The following ST3GAL3 variants were observed in gnomAD, a reference collection of about 807,000 sequenced individuals.
The protein encoded by ST3GAL3 is ST3 beta-galactoside alpha-2,3-sialyltransferase 3.
Under a neutral mutation model 50.1 loss-of-function variants are expected in ST3GAL3, and 21 were observed. The ratio of observed to expected loss-of-function variants is 0.42; its 90% CI spans 0.30 to 0.60. The LOEUF is 0.60. Among genes scored for constraint, ST3GAL3 ranks in the 20% least tolerant of loss-of-function variants. The pLI is 0.19. For missense variants in ST3GAL3, 353 were observed against 489.4 expected, an observed-to-expected ratio of 0.72 and a Z score of 2.63; for synonymous variants, 183 against 190.0, an observed-to-expected ratio of 0.96 and a Z score of 0.30.
intron 4 of ST3GAL3, among the ~76,000 whole-genome samples, chr1:43,831,183 T>G (rs367946423): frequency 6.6e-6 from 1 of 152,230 alleles, no homozygotes; most frequent in Non-Finnish European, 1.5e-5. Context: ...GATTACACTT[T>G]ACATCATAGA....
At chr1:43,710,890 C>G (rs1328268331) in intron 1 of ST3GAL3, among the ~76,000 whole-genome samples, 1 of 152,186 alleles carries the variant, frequency 6.6e-6, no homozygotes, top group African/African-American at 2.4e-5. Flanking sequence ...TGCCTTAAAT[C>G]CTGCTTCTAC....
At chr1:43,850,670 G>T in intron 5 of ST3GAL3, 1 of 725,300 alleles carries the variant, frequency 1.4e-6, no homozygotes. Context: ...GGAGATCCAC[G>T]AGGATCAAAT....
At chr1:43,814,338 A>G (rs1031303059) in intron 3 of ST3GAL3, among the ~76,000 whole-genome samples, 2 of 152,244 alleles carry the variant, frequency 1.3e-5, no homozygotes, top group Non-Finnish European at 2.9e-5. Context: ...ATAAATTACA[A>G]TACTGATTGA....
At chr1:43,804,254 G>A (rs1251331929) in intron 3 of ST3GAL3, among the ~76,000 whole-genome samples, 5 of 152,162 alleles carry the variant, frequency 3.3e-5, no homozygotes, top group East Asian at 1.9e-4. Context: ...AAGGAGATGC[G>A]CTGGGATCTG....
intron 3 of ST3GAL3, among the ~76,000 whole-genome samples, chr1:43,806,023 C>T (rs1416967134): frequency 6.6e-6 from 1 of 152,068 alleles, no homozygotes; most frequent in Non-Finnish European, 1.5e-5. Context: ...CGTGAACCAC[C>T]GTGCCCGGCA....
intron 2 of ST3GAL3, among the ~76,000 whole-genome samples, chr1:43,744,363 C>T (rs1015525104): frequency 2.0e-5 from 3 of 151,928 alleles, no homozygotes; most frequent in East Asian, 1.9e-4. Flanking sequence ...GATTCTCCTA[C>T]CTCAGCCTCC....
At chr1:43,916,423 G>C (rs2081814437) in intron 9 of ST3GAL3, among the ~76,000 whole-genome samples, 1 of 152,196 alleles carries the variant, frequency 6.6e-6, no homozygotes, top group African/African-American at 2.4e-5. Flanking sequence ...CTGGAAAGGT[G>C]TAGGAGAATC....
At chr1:43,776,796 G>A (rs12140180) in intron 2 of ST3GAL3, among the ~76,000 whole-genome samples, 48,166 of 152,038 alleles carry the variant, frequency 0.32, 9,351 homozygotes, top group East Asian at 0.53. Flanking sequence ...CAGTTGGGGC[G>A]CTGAAAGCTA....
At chr1:43,748,911 T>G (rs1474960939) in intron 2 of ST3GAL3, among the ~76,000 whole-genome samples, 2 of 152,192 alleles carry the variant, frequency 1.3e-5, no homozygotes, top group African/African-American at 4.8e-5. Flanking sequence ...AAAATTTATA[T>G]GAAAACACAA....
At chr1:43,709,102 G>A (rs1488347131) in intron 1 of ST3GAL3, among the ~76,000 whole-genome samples, 1 of 152,218 alleles carries the variant, frequency 6.6e-6, no homozygotes, top group African/African-American at 2.4e-5. Flanking sequence ...ATTGGGTCAT[G>A]AAGAGTGGGT....
intron 2 of ST3GAL3, among the ~76,000 whole-genome samples, chr1:43,762,479 A>G (rs1219529582): frequency 6.6e-6 from 1 of 151,974 alleles, no homozygotes; most frequent in Non-Finnish European, 1.5e-5. Context: ...TTCCCCTTTG[A>G]GTTCACTCCA....
At chr1:43,751,862 C>T (rs1300386925) in intron 2 of ST3GAL3, among the ~76,000 whole-genome samples, 1 of 152,068 alleles carries the variant, frequency 6.6e-6, no homozygotes, top group African/African-American at 2.4e-5. Flanking sequence ...TCTCGTCACC[C>T]AGGCTGGAGT....
intron 5 of ST3GAL3, among the ~76,000 whole-genome samples, chr1:43,849,855 GC>G (rs983976077): frequency 2.0e-5 from 3 of 152,230 alleles, no homozygotes; most frequent in African/African-American, 7.2e-5. Context: ...TTGGCATGCT[GC>G]TGGGTAACAA....
chr1:43,815,090 C>A, intron 4 of ST3GAL3, 157 bp downstream of exon 4: 1 of 791,462 alleles, frequency 1.3e-6, no homozygotes, highest in Non-Finnish European at 2.2e-6. Context: ...GGGCATGTTA[C>A]AGTCTGCAGC....
intron 4 of ST3GAL3, among the ~76,000 whole-genome samples, chr1:43,827,444 GA>G: frequency 6.6e-6 from 1 of 152,242 alleles, no homozygotes; most frequent in South Asian, 2.1e-4. Context: ...TCTAATGAAA[GA>G]AATCAAAGAA....
intron 2 of ST3GAL3, among the ~76,000 whole-genome samples, chr1:43,759,246 C>G (rs1689374167): frequency 6.6e-6 from 1 of 151,000 alleles, no homozygotes; most frequent in African/African-American, 2.4e-5. Flanking sequence ...GAGATCGAGA[C>G]CATCCTGGCC....
At chr1:43,846,474 G>A (rs1230889996) in intron 5 of ST3GAL3, among the ~76,000 whole-genome samples, 1 of 152,090 alleles carries the variant, frequency 6.6e-6, no homozygotes. Flanking sequence ...TTATTTGGTT[G>A]GTGCAAAAGT....
chr1:43,726,233 CCT>C (rs1022964806), intron 1 of ST3GAL3, among the ~76,000 whole-genome samples: 93 of 152,132 alleles, frequency 6.1e-4, no homozygotes, highest in Admixed American at 2.6e-3. Context: ...ACTCTGTTCC[CCT>C]CTGTTAATAA....
At chr1:43,795,938 A>G (rs1449656052) in intron 3 of ST3GAL3, among the ~76,000 whole-genome samples, 1 of 152,140 alleles carries the variant, frequency 6.6e-6, no homozygotes, top group Non-Finnish European at 1.5e-5. Context: ...CCAGCAATGG[A>G]CACCAAGGCA....
Sources: allele counts gnomAD v4.1 joint callset (sites outside exome capture counted in the v4.1 genomes callset), GRCh38; gene constraint gnomAD v4.1.1; transcripts MANE v1.5; gene names NCBI Gene and HGNC (gene_info 2026-07-23, HGNC 2026-07-21).